The following ADGRG6 variants were observed in gnomAD, a reference collection of about 807,000 sequenced individuals.
ADGRG6 encodes the protein G-protein coupled receptor 126.
ADGRG6 carries 84 observed loss-of-function variants against 142.4 expected under a neutral mutation model. That is an observed-to-expected ratio of 0.59 (90% CI 0.49 to 0.71). The LOEUF (loss-of-function observed/expected upper bound fraction) is 0.71, where lower values mean the gene tolerates loss of function less well. Ranked by LOEUF, ADGRG6 falls within the 30% of genes least tolerant of loss-of-function variation. The pLI, the probability that ADGRG6 is intolerant of heterozygous loss-of-function variation, is 0.00. For missense variants in ADGRG6, 1,367 were observed against 1,466.6 expected, an observed-to-expected ratio of 0.93 and a Z score of 1.11; for synonymous variants, 521 against 520.5, an observed-to-expected ratio of 1.00 and a Z score of -0.01.
chr6:142,441,506 G>A lies in ADGRG6; in HGVS notation c.3575-1831G>A, dbSNP rs1438990829. Among the ~76,000 whole-genome samples the A allele has an allele frequency of 2.6e-5, 4 of 152,166 alleles. No individual in the cohort carries two copies. The East Asian group carries it at 7.7e-4, about 29-fold the overall frequency. Reference sequence around the variant, plus strand: ...AATGTAATATCTAACCAGAAGACTGGGAATAGCATATATAAAAATACAGCC... The same window carrying A: ...AATGTAATATCTAACCAGAAGACTGAGAATAGCATATATAAAAATACAGCC... On this transcript the variant is annotated intron_variant, in intron 24 of 24. Transcript: ENST00000367609.
intron 2 of ADGRG6, among the ~76,000 whole-genome samples, chr6:142,361,065 G>T (rs930030485): frequency 6.6e-6 from 1 of 152,172 alleles, no homozygotes; most frequent in African/African-American, 2.4e-5. Context: ...CTCTGGTTGT[G>T]TGTGTCTCTA....
intron 2 of ADGRG6, among the ~76,000 whole-genome samples, chr6:142,338,653 A>T (rs1779464957): frequency 6.6e-6 from 1 of 152,094 alleles, no homozygotes; most frequent in African/African-American, 2.4e-5. Context: ...TTTAATACTC[A>T]GCACAAATTG....
At position 142,343,694 on chromosome 6, in the gene ADGRG6, T is replaced by G. The variant is rs147756433; in HGVS notation, c.104-23875T>G. Among the ~76,000 whole-genome samples the G allele has an allele frequency of 1.4e-3, 220 of 152,022 alleles. 1 individual carries two copies. Among genetic ancestry groups the G allele is most frequent in the African/African-American group, 5.1e-3 (212 of 41,532 alleles). On this transcript the variant is annotated intron_variant, in intron 2 of 24. Coordinates refer to ENST00000367609, the MANE Select transcript of ADGRG6 (RefSeq NM_198569.3). ...GCAAGAGTCAAATTGAAAAATAGAT[T>G]TAATTTCCAAGAATAGTAACATTAA... is the stretch of plus-strand genomic sequence containing the variant.
intron 6 of ADGRG6, among the ~76,000 whole-genome samples, chr6:142,384,888 C>A (rs1173782823): frequency 6.6e-6 from 1 of 151,858 alleles, no homozygotes; most frequent in Non-Finnish European, 1.5e-5. Flanking sequence ...ATAAAGACAT[C>A]GATTCAGATA....
Position 142,338,027 on chromosome 6 carries a change from T to TTG in ADGRG6, c.103+28384_103+28385insGT, listed in dbSNP as rs1554234630. On this transcript the variant is annotated intron_variant, in intron 2 of 24. Coordinates refer to ENST00000367609, the MANE Select transcript of ADGRG6 (RefSeq NM_198569.3). ...ATGCCTTGTATCTTTGTTTTTTTTTTTTTTTTTTTTTGAGACGGAGTCTCG... is the reference window on the plus strand; with the variant it reads ...ATGCCTTGTATCTTTGTTTTTTTTTTTGTTTTTTTTTTTGAGACGGAGTCTCG... Among the ~76,000 whole-genome samples the TTG allele has an allele frequency of 3.8e-4, 22 of 58,000 alleles. 2 individuals are homozygous for TTG. Among genetic ancestry groups the TTG allele is most frequent in the African/African-American group, 4.5e-4 (8 of 17,904 alleles). 38.1% of individuals were successfully genotyped at this position (58,000 alleles called of 152,430 possible).
chr6:142,431,205 T>C (rs530987648), intron 22 of ADGRG6, among the ~76,000 whole-genome samples: 1 of 152,210 alleles, frequency 6.6e-6, no homozygotes, highest in African/African-American at 2.4e-5. Flanking sequence ...AGGAATCTGC[T>C]CATTTAACAA....
chr6:142,334,099 C>T (rs1779196635), intron 2 of ADGRG6, among the ~76,000 whole-genome samples: 1 of 152,118 alleles, frequency 6.6e-6, no homozygotes. Flanking sequence ...ATGATAGTTT[C>T]AGGATGTTTC....
chr6:142,338,505 A>G (rs1263085606), intron 2 of ADGRG6, among the ~76,000 whole-genome samples: 1 of 150,638 alleles, frequency 6.6e-6, no homozygotes, highest in Non-Finnish European at 1.5e-5. Context: ...TATTTATTAC[A>G]TATAATTTAT....
At chr6:142,355,466 A>AT (rs1487403341) in intron 2 of ADGRG6, among the ~76,000 whole-genome samples, 1 of 152,150 alleles carries the variant, frequency 6.6e-6, no homozygotes, top group Non-Finnish European at 1.5e-5. Context: ...TTTCTCTCAA[A>AT]TACCACTACA....
chr6:142,303,539 A>C (rs1417168971), intron 1 of ADGRG6, among the ~76,000 whole-genome samples: 3 of 152,248 alleles, frequency 2.0e-5, no homozygotes, highest in Non-Finnish European at 4.4e-5. Context: ...TGGGAGTTTT[A>C]AAGTTTCATT....
At chr6:142,433,931 C>T (rs1046689486) in intron 22 of ADGRG6, among the ~76,000 whole-genome samples, 2 of 152,042 alleles carry the variant, frequency 1.3e-5, no homozygotes, top group Non-Finnish European at 2.9e-5. Context: ...TGCCTATTGT[C>T]CAGGCAACAT....
At chr6:142,414,272 A>G (rs192753951) in intron 18 of ADGRG6, among the ~76,000 whole-genome samples, 1 of 152,274 alleles carries the variant, frequency 6.6e-6, no homozygotes, top group Admixed American at 6.5e-5. Flanking sequence ...AATACTTTAT[A>G]TTAATACACT....
In ADGRG6 at chr6:142,381,978, C is replaced by A. The variant is rs1438779345; in HGVS notation, c.1097C>A (p.Ala366Glu). The A allele has an allele frequency of 3.7e-6, 6 of 1,606,700 alleles. No homozygotes were observed. In the South Asian group the frequency reaches 6.7e-5, roughly 18 times the overall value. ...TCCTACCTGATCCCGCTCCCAGCAG[C>A]AGAACTGGCCAGCTGTGCAGACCTG... ...CGSYLIPLPA[A>E]ELASCADLGT... Residue 366 changes from alanine to glutamate, a missense_variant, in exon 5 of 25, where the codon GCA (alanine) becomes GAA (glutamate). By Grantham distance (107) the Ala-to-Glu change is moderately radical (BLOSUM62 -1). Transcript: ENST00000367609.
chr6:142,336,815 G>C (rs1171078554), intron 2 of ADGRG6, among the ~76,000 whole-genome samples: 1 of 152,194 alleles, frequency 6.6e-6, no homozygotes, highest in Non-Finnish European at 1.5e-5. Flanking sequence ...ATAAGTACTC[G>C]ATCTCAGATG....
intron 2 of ADGRG6, among the ~76,000 whole-genome samples, chr6:142,366,408 T>C (rs916030919): frequency 6.6e-5 from 10 of 152,198 alleles, no homozygotes; most frequent in African/African-American, 2.2e-4. Flanking sequence ...GGTGCTATAC[T>C]CTAGCATGCT....
At chr6:142,306,567 T>C (rs1777504788) in intron 1 of ADGRG6, among the ~76,000 whole-genome samples, 1 of 152,128 alleles carries the variant, frequency 6.6e-6, no homozygotes, top group African/African-American at 2.4e-5. Context: ...TTTTGCATAA[T>C]CTTTAGGTTT....
chr6:142,432,085 C>G (rs1359755327), intron 22 of ADGRG6, among the ~76,000 whole-genome samples: 2 of 152,004 alleles, frequency 1.3e-5, no homozygotes, highest in East Asian at 3.9e-4. Flanking sequence ...AACCCTCAAC[C>G]TCAGAATTTA....
At chr6:142,417,811 A>T (rs890806762) in intron 21 of ADGRG6, among the ~76,000 whole-genome samples, 2 of 152,152 alleles carry the variant, frequency 1.3e-5, no homozygotes, top group African/African-American at 2.4e-5. Context: ...TTCTCTTCAG[A>T]TTGTGAGATC....
At chr6:142,336,972 A>G (rs1418751070) in intron 2 of ADGRG6, among the ~76,000 whole-genome samples, 1 of 152,170 alleles carries the variant, frequency 6.6e-6, no homozygotes, top group Non-Finnish European at 1.5e-5. Flanking sequence ...CAAGTGAGAG[A>G]GCTAAAGTGT....
Sources: gnomAD v4.1 joint callset for allele counts (sites outside exome capture counted in the v4.1 genomes callset) on GRCh38, gnomAD v4.1.1 for gene constraint, MANE v1.5 for transcripts, NCBI Gene and HGNC (gene_info 2026-07-23, HGNC 2026-07-21) for gene names.